Variants in COL21A1 observed in about 807,000 individuals in gnomAD.
The protein encoded by COL21A1 is collagen alpha-1(XXI) chain.
Under a neutral mutation model 137.9 loss-of-function variants are expected in COL21A1, and 149 were observed. The observed-to-expected ratio is 1.08, with a 90% CI of 0.95 to 1.24. The LOEUF (loss-of-function observed/expected upper bound fraction) is 1.24. Ranked by LOEUF, COL21A1 falls within the 50% of genes most tolerant of loss-of-function variation. The pLI is 0.00. For synonymous variants in COL21A1, 456 were observed against 391.5 expected (o/e 1.16, Z -1.95); for missense variants, 1,167 against 1,158.4 (o/e 1.01, Z -0.11).
intron 1 of COL21A1, among the ~76,000 whole-genome samples, chr6:56,313,068 C>CG (rs1257459786): frequency 6.6e-6 from 1 of 152,034 alleles, no homozygotes; most frequent in African/African-American, 2.4e-5. Context: ...CCTGGTTTCT[C>CG]GGGATCATTC....
chr6:56,337,428 T>A (rs148826130), intron 1 of COL21A1, among the ~76,000 whole-genome samples: 2 of 152,308 alleles, frequency 1.3e-5, no homozygotes, highest in African/African-American at 4.8e-5. Flanking sequence ...TAGGCCTATA[T>A]GAAAGTGTCA....
At position 56,266,685 on chromosome 6, in the gene COL21A1, TAGAC is replaced by T. The variant is rs1193061694; in HGVS notation, c.-38-84033_-38-84030del. On this transcript the variant is annotated intron_variant, in intron 1 of 28. Coordinates refer to the COL21A1 transcript ENST00000370819. Reference sequence around the variant, plus strand: ...TGGACTAATAGAACAAATAGATCTGTAGACAGACAGATAAACTCTCCACTTTAGT... The same window carrying T: ...TGGACTAATAGAACAAATAGATCTGTAGACAGATAAACTCTCCACTTTAGT... 5.9e-5 allele frequency among the ~76,000 whole-genome samples: 9 copies of T among 152,226 alleles called. No homozygotes were observed. In the East Asian group the frequency reaches 1.3e-3, roughly 23 times the overall value.
intron 1 of COL21A1, among the ~76,000 whole-genome samples, chr6:56,185,743 G>C (rs1315629472): frequency 2.0e-5 from 3 of 152,072 alleles, no homozygotes; most frequent in Non-Finnish European, 2.9e-5. Flanking sequence ...CCTGAACAAA[G>C]TCTTTGAAAA....
chr6:56,297,200 A>AGTTGCC (rs1764182820), intron 1 of COL21A1, among the ~76,000 whole-genome samples: 1 of 152,092 alleles, frequency 6.6e-6, no homozygotes, highest in Non-Finnish European at 1.5e-5. Context: ...ACACAGATTA[A>AGTTGCC]GTTGCCATGC....
chr6:56,214,698 A>G (rs1236339470), intron 1 of COL21A1, among the ~76,000 whole-genome samples: 1 of 151,874 alleles, frequency 6.6e-6, no homozygotes, highest in Non-Finnish European at 1.5e-5. Context: ...CCATTTGATC[A>G]TGGCATATGG....
intron 16 of COL21A1, among the ~76,000 whole-genome samples, chr6:56,117,742 C>T (rs561247290): frequency 6.6e-5 from 10 of 151,814 alleles, no homozygotes; most frequent in Non-Finnish European, 1.0e-4. Flanking sequence ...TCTTCTCTGA[C>T]GATAATATAA....
chr6:56,306,256 T>G (rs1247275895), intron 1 of COL21A1, among the ~76,000 whole-genome samples: 4 of 146,030 alleles, frequency 2.7e-5, no homozygotes, highest in African/African-American at 1.0e-4. Flanking sequence ...TCTCTGTATT[T>G]CCTGAATCTG....
intron 22 of COL21A1, among the ~76,000 whole-genome samples, chr6:56,068,589 A>G (rs1766465183): frequency 6.6e-6 from 1 of 151,588 alleles, no homozygotes; most frequent in Admixed American, 6.6e-5. Flanking sequence ...ATAAACTTCT[A>G]TGTAACATAA....
intron 1 of COL21A1, among the ~76,000 whole-genome samples, chr6:56,202,104 TTAAAC>T (rs1167814780): frequency 6.6e-6 from 1 of 152,126 alleles, no homozygotes; most frequent in Non-Finnish European, 1.5e-5. Context: ...AGATGAAAGA[TTAAAC>T]TATCTTTCAA....
chr6:56,266,708 C>T (rs1763400719), intron 1 of COL21A1, among the ~76,000 whole-genome samples: 1 of 152,178 alleles, frequency 6.6e-6, no homozygotes, highest in African/African-American at 2.4e-5. Context: ...AAACTCTCCA[C>T]TTTAGTAATA....
intron 23 of COL21A1, among the ~76,000 whole-genome samples, chr6:56,066,520 A>G (rs1766264695): frequency 6.6e-6 from 1 of 151,946 alleles, no homozygotes; most frequent in South Asian, 2.1e-4. Context: ...ACTTAAAAAC[A>G]TCATTAAAAT....
chr6:56,067,432 A>G, intron 22 of COL21A1, 102 bp from the exon 23 acceptor site: 1 of 1,024,330 alleles, frequency 9.8e-7, no homozygotes, highest in South Asian at 1.5e-5. Flanking sequence ...CATCTCGTGC[A>G]AACTCCACAA....
intron 14 of COL21A1, 155 bp downstream of exon 14, chr6:56,125,412 C>CT (rs926194946): frequency 1.1e-4 from 53 of 462,970 alleles, no homozygotes; most frequent in Middle Eastern, 5.5e-4. Context: ...CTCTTTTTTT[C>CT]TTTTTTTTCT....
intron 1 of COL21A1, among the ~76,000 whole-genome samples, chr6:56,376,922 C>T (rs555287755): frequency 7.0e-6 from 1 of 142,514 alleles, no homozygotes; most frequent in African/African-American, 2.6e-5. Context: ...TGGGCACCCA[C>T]AGTACTTGGT....
chr6:56,166,771 C>T (rs1345252713), intron 7 of COL21A1, 135 bp downstream of exon 7: 7 of 753,670 alleles, frequency 9.3e-6, no homozygotes, highest in Admixed American at 6.0e-5. Flanking sequence ...CTTCATGTAA[C>T]TTCACTTCCA....
chr6:56,132,298 T>C (rs1199717227), intron 12 of COL21A1, among the ~76,000 whole-genome samples: 2 of 152,064 alleles, frequency 1.3e-5, no homozygotes, highest in African/African-American at 2.4e-5. Flanking sequence ...AACTAATCCA[T>C]ATGTGCAAAG....
intron 20 of COL21A1, among the ~76,000 whole-genome samples, 170 bp downstream of exon 20, chr6:56,074,062 G>A (rs1766995090): frequency 2.6e-5 from 4 of 151,312 alleles, no homozygotes; most frequent in Admixed American, 2.6e-4. Flanking sequence ...ACTTTAGCCT[G>A]TTTCTTAGGC....
At chr6:56,344,870 A>G (rs1051163416) in intron 1 of COL21A1, among the ~76,000 whole-genome samples, 3 of 152,144 alleles carry the variant, frequency 2.0e-5, no homozygotes, top group African/African-American at 7.2e-5. Flanking sequence ...CCGTGATTAT[A>G]AGTTTCCTGA....
Position 56,171,112 on chromosome 6 carries a change from T to C in COL21A1, c.657A>G (p.Thr219=). Residue 219 remains threonine (T), a synonymous_variant, in exon 4 of 30, where the codon ACA becomes ACG. Transcript: ENST00000244728. ...CATCACGAGCTGCCACTGGAATTCG[T>C]GTTGGACAGACAGATTCTATAAAGC... ...QKLCEESVCP[T]RIPVAARDER... 6.2e-7 allele frequency: 1 copy of C among 1,603,126 alleles called. No individual in the cohort carries two copies. Among genetic ancestry groups the C allele is most frequent in the Non-Finnish European group, 8.5e-7 (1 of 1,175,822 alleles).
Sources: gnomAD v4.1 joint callset for allele counts (sites outside exome capture counted in the v4.1 genomes callset) on GRCh38, gnomAD v4.1.1 for gene constraint, MANE v1.5 for transcripts, NCBI Gene and HGNC (gene_info 2026-07-23, HGNC 2026-07-21) for gene names.